The following CYP4A11 variants were observed in gnomAD, a reference collection of about 807,000 sequenced individuals.
CYP4A11 encodes the protein cytochrome P450 family 4 subfamily A member 11.
CYP4A11 carries 52 observed loss-of-function variants against 57.7 expected under a neutral mutation model. The ratio of observed to expected loss-of-function variants is 0.90; its 90% CI spans 0.72 to 1.14. The LOEUF is 1.14. Among genes scored for constraint, CYP4A11 ranks in the 50% most tolerant of loss-of-function variants. CYP4A11 has a pLI of 0.00. For synonymous variants in CYP4A11, 228 were observed against 247.1 expected (o/e 0.92, Z 0.72); for missense variants, 641 against 642.1 (o/e 1.00, Z 0.02).
At chr1:46,939,900 A>T (rs1038196111) in intron 1 of CYP4A11, among the ~76,000 whole-genome samples, 10 of 145,560 alleles carry the variant, frequency 6.9e-5, no homozygotes, top group African/African-American at 1.8e-4. Context: ...ATATAGGGTT[A>T]GAACTTTGGC....
chr1:46,934,913 A>G, intron 6 of CYP4A11, 87 bp downstream of exon 6: 1 of 1,554,598 alleles, frequency 6.4e-7, no homozygotes, highest in Non-Finnish European at 8.7e-7. Flanking sequence ...CTGCAGGGTT[A>G]CTAGGGGCCT....
intron 1 of CYP4A11, chr1:46,940,669 T>C (rs1450402806): frequency 3.0e-6 from 3 of 985,316 alleles, no homozygotes; most frequent in Admixed American, 6.1e-5. Flanking sequence ...CCGTGAGTCT[T>C]GGGGAAACTT....
rs141953822 is a variant in CYP4A11 at position 46,941,400 on chromosome 1, G to A, written c.34C>T (p.Leu12=). ...TGGAGGATTCCAGAGACATCACCCA[G>A]GAGTCTGCTGGGGCTCAGCACAGAG... is the stretch of plus-strand genomic sequence containing the variant. The part of the protein sequence containing the change: ...SVSVLSPSRL[L]GDVSGILQAA... Residue 12 remains leucine, a synonymous_variant, in exon 1 of 12, where the codon CTG becomes TTG. Transcript: ENST00000310638. 11 of 1,614,084 alleles carry A rather than the reference G, an allele frequency of 6.8e-6. No homozygotes were observed. The highest frequency in any genetic ancestry group is 1.6e-4 in the Middle Eastern group (1 of 6,084).
At chr1:46,931,767 CAA>C (rs1380879507) in intron 11 of CYP4A11, 1 of 720,844 alleles carries the variant, frequency 1.4e-6, no homozygotes, top group African/African-American at 1.9e-5. Context: ...CTCACCGTTT[CAA>C]AAAGTCACAT....
rs1380048885 is a variant in CYP4A11 at position 46,932,024 on chromosome 1, TTA to T, written c.1364+735_1364+736del. On this transcript the variant is annotated intron_variant, in intron 11 of 11. Transcript: ENST00000310638. ...CCAAGACAGTGTACTGTTCACATTT[TTA>T]TGTTTTTGGCCAATATTGTGCTAAG... 13 of 985,206 alleles carry T rather than the reference TTA, an allele frequency of 1.3e-5. No homozygotes were observed. The Admixed American group carries it at 5.5e-4, about 42-fold the overall frequency. 61.0% of individuals were successfully genotyped at this position (985,206 alleles called of 1,614,324 possible). A position where few individuals can be genotyped will look rare whatever the true frequency, so the allele number is the denominator to read the frequency against.
At chr1:46,938,848 C>T (rs1160154045) in intron 1 of CYP4A11, among the ~76,000 whole-genome samples, 1 of 152,220 alleles carries the variant, frequency 6.6e-6, no homozygotes, top group South Asian at 2.1e-4. Context: ...AAGCCCTTGG[C>T]TTTCTGGCTT....
intron 1 of CYP4A11, among the ~76,000 whole-genome samples, chr1:46,939,478 A>T (rs1681619551): frequency 6.6e-6 from 1 of 152,180 alleles, no homozygotes; most frequent in African/African-American, 2.4e-5. Flanking sequence ...GACCTAACTC[A>T]GAACTGAACA....
At chr1:46,938,229 C>T (rs1034104019) in intron 1 of CYP4A11, 92 bp from the exon 2 acceptor site, 7 of 1,523,110 alleles carry the variant, frequency 4.6e-6, no homozygotes, top group East Asian at 4.5e-5. Context: ...AGCCATGTAG[C>T]GCAGGTTAGG....
intron 1 of CYP4A11, chr1:46,940,599 C>A (rs1681691293): frequency 3.0e-5 from 27 of 894,180 alleles, no homozygotes; most frequent in Non-Finnish European, 3.3e-5. Context: ...CAGGCTGCCC[C>A]CCTCATGTGT....
At chr1:46,940,076 C>A (rs562257651) in intron 1 of CYP4A11, among the ~76,000 whole-genome samples, 1 of 136,550 alleles carries the variant, frequency 7.3e-6, no homozygotes, top group Non-Finnish European at 1.6e-5. Flanking sequence ...TGTTCCTACC[C>A]GCCCCCCTCC....
At chr1:46,938,270 G>A (rs1681542427) in intron 1 of CYP4A11, 133 bp from the exon 2 acceptor site, 2 of 1,302,384 alleles carry the variant, frequency 1.5e-6, no homozygotes, top group South Asian at 1.4e-5. Context: ...GACCTGAGCT[G>A]TGATCCAGAT....
chr1:46,934,869 A>T (rs771313821), intron 6 of CYP4A11, 131 bp downstream of exon 6: 3 of 1,465,026 alleles, frequency 2.0e-6, no homozygotes, highest in Admixed American at 2.3e-5. Context: ...GCCCCTGAGC[A>T]AGGGAATTCC....
chr1:46,932,944 G>C (rs1423307422), intron 10 of CYP4A11, 39 bp downstream of exon 10: 2 of 1,614,034 alleles, frequency 1.2e-6, no homozygotes, highest in South Asian at 1.1e-5. Context: ...TATTGGTCTT[G>C]AGGGATCACC....
rs1198333226 is a variant in CYP4A11 at position 46,929,773 on chromosome 1, C to T, written c.*342G>A. On this transcript the variant is annotated 3_prime_UTR_variant, in exon 12 of 12. Transcript: ENST00000310638. ...TATGGTGCGTCAGGGTAGCCTTCCA[C>T]CCTTCAGCACAGAGCTTGGTGTTCC... 5.9e-6 allele frequency: 1 copy of T among 168,496 alleles called. No individual in the cohort carries two copies. Among genetic ancestry groups the T allele is most frequent in the Non-Finnish European group, 1.2e-5 (1 of 81,442 alleles). The allele number at this position is 168,496 out of a possible 1,614,324, so 10.4% of individuals were successfully genotyped here. A position where few individuals can be genotyped will look rare whatever the true frequency, so the allele number is the denominator to read the frequency against.
chr1:46,931,380 G>T, intron 11 of CYP4A11: 1 of 363,612 alleles, frequency 2.8e-6, no homozygotes, highest in Non-Finnish European at 3.8e-6. Context: ...GAGTGAATGA[G>T]TGAAAGGATG....
In CYP4A11 at chr1:46,930,324, A is replaced by C. The variant is rs1470335561; in HGVS notation, c.1365-14T>G. 1 of 1,606,178 alleles carries C rather than the reference A, an allele frequency of 6.2e-7. No individual in the cohort carries two copies. The highest frequency in any genetic ancestry group is 8.5e-7 in the Non-Finnish European group (1 of 1,175,376). ...CCGATGCAGTTCCTGGGCCAGGTGG[A>C]GATAATGAATTGAGAAGTGTCCTCA... On this transcript the variant is annotated splice_polypyrimidine_tract_variant and intron_variant, in intron 11 of 11. Transcript: ENST00000310638.
Position 46,937,659 on chromosome 1 carries a change from C to G in CYP4A11, c.338-313G>C, listed in dbSNP as rs1415902792. ...TGATGATTTCCTAGTCACCTCCTGA[C>G]CAAGACAGGCAACAATTAGAGCTTT... On this transcript the variant is annotated intron_variant, in intron 2 of 11. Transcript: ENST00000310638. Among the ~76,000 whole-genome samples, 5 of 152,148 alleles carry G rather than the reference C, an allele frequency of 3.3e-5. No individual in the cohort carries two copies. The East Asian group carries it at 7.7e-4, about 23-fold the overall frequency.
At chr1:46,931,519 C>T (rs1681027185) in intron 11 of CYP4A11, 2 of 810,672 alleles carry the variant, frequency 2.5e-6, no homozygotes, top group African/African-American at 1.9e-5. Flanking sequence ...AGAAATACTT[C>T]TATATTTGAA....
At chr1:46,935,450 C>T (rs1334476558) in intron 5 of CYP4A11, 73 bp downstream of exon 5, 1 of 1,521,532 alleles carries the variant, frequency 6.6e-7, no homozygotes, top group African/African-American at 1.4e-5. Context: ...TCACGCTGCC[C>T]CACCTGCCCC....
Sources: allele counts gnomAD v4.1 joint callset (sites outside exome capture counted in the v4.1 genomes callset), GRCh38; gene constraint gnomAD v4.1.1; transcripts MANE v1.5; gene names NCBI Gene and HGNC (gene_info 2026-07-23, HGNC 2026-07-21).